The following EDRF1 variants were observed in gnomAD, a reference collection of about 807,000 sequenced individuals.
The protein encoded by EDRF1 is erythroid differentiation-related factor 1.
A neutral mutation model predicts 148.7 loss-of-function variants in EDRF1; 69 were observed. That is an observed-to-expected ratio of 0.46 (90% CI 0.38 to 0.57). The LOEUF (loss-of-function observed/expected upper bound fraction) is 0.57, where lower values mean the gene tolerates loss of function less well. Among genes scored for constraint, EDRF1 ranks in the 20% least tolerant of loss-of-function variants. The probability of loss-of-function intolerance (pLI) is 0.00; values close to 1 mark genes in which losing one functional copy is unlikely to be tolerated. For synonymous variants in EDRF1, 515 were observed against 532.8 expected (o/e 0.97, Z 0.46); for missense variants, 1,118 against 1,478.7 (o/e 0.76, Z 4.00).
At position 125,721,326 on chromosome 10, in the gene EDRF1, T is replaced by C; in HGVS notation, c.231T>C (p.Pro77=). 1 of 1,614,232 alleles carries C rather than the reference T, an allele frequency of 6.2e-7. No individual in the cohort carries two copies. The highest frequency in any genetic ancestry group is 8.5e-7 in the Non-Finnish European group (1 of 1,180,040). ...LEEKTDLKLP[P]ANWLRESAKL... ...AGAAAACAGACTTGAAACTCCCACCTGCCAACTGGTTACGAGAGAGTGCCA... is the reference window on the plus strand; with the variant it reads ...AGAAAACAGACTTGAAACTCCCACCCGCCAACTGGTTACGAGAGAGTGCCA... The change falls in exon 2 of 25, where the codon CCT becomes CCC. Residue 77 remains proline (P), a synonymous_variant. Coordinates refer to ENST00000356792, the MANE Select transcript of EDRF1 (RefSeq NM_001202438.2).
At chr10:125,757,119 TCTTG>T (rs1475208560) in intron 24 of EDRF1, 1 of 354,992 alleles carries the variant, frequency 2.8e-6, no homozygotes, top group Non-Finnish European at 5.4e-6. Flanking sequence ...GGCCCAAGGG[TCTTG>T]CTTTTTAAAT....
At position 125,735,763 on chromosome 10, in the gene EDRF1, G is replaced by A. The variant is rs17153478; in HGVS notation, c.1617G>A (p.Glu539=). 8.7e-6 allele frequency: 14 copies of A among 1,613,716 alleles called. No individual in the cohort carries two copies. The African/African-American group carries it at 1.7e-4, about 20-fold the overall frequency. The change falls in exon 13 of 25, where the codon GAG becomes GAA. Residue 539 remains glutamate (E), a synonymous_variant. Coordinates refer to ENST00000356792, the MANE Select transcript of EDRF1 (RefSeq NM_001202438.2). The part of the protein sequence containing the change: ...ENSDESYSEE[E]EEMPDSDENG... ...CTGATGAAAGTTATAGTGAAGAGGA[G>A]GAAGAGATGCCCGACAGTGATGAAA... is the stretch of plus-strand genomic sequence containing the variant.
intron 15 of EDRF1, 141 bp downstream of exon 15, chr10:125,738,586 A>G (rs1455521503): frequency 1.0e-6 from 1 of 991,122 alleles, no homozygotes; most frequent in Non-Finnish European, 1.5e-6. Flanking sequence ...TAGGGGTAGT[A>G]TTCTTTCATT....
In EDRF1 at chr10:125,738,532, T is replaced by G. The variant is rs1283501977; in HGVS notation, c.1981+87T>G. 23 of 1,512,514 alleles carry G rather than the reference T, an allele frequency of 1.5e-5. No homozygotes were observed. The Admixed American group carries it at 3.4e-4, about 23-fold the overall frequency. 93.7% of individuals were successfully genotyped at this position (1,512,514 alleles called of 1,614,324 possible). ...CAGCAGACTTATGTCAATTAAGGCATTAATTGAAAGGCATTGAGAAAAAGA... is the reference window on the plus strand; with the variant it reads ...CAGCAGACTTATGTCAATTAAGGCAGTAATTGAAAGGCATTGAGAAAAAGA... On this transcript the variant is annotated intron_variant, in intron 15 of 24. Transcript: ENST00000356792.
chr10:125,742,919 G>A lies in EDRF1; in HGVS notation c.2372-139G>A. Reference sequence around the variant, plus strand: ...ATCTTTATTATGAAACTTAAATATTGTTGTATTGATTGAATCTTGGTATAC... The same window carrying A: ...ATCTTTATTATGAAACTTAAATATTATTGTATTGATTGAATCTTGGTATAC... On this transcript the variant is annotated intron_variant, in intron 17 of 24. Transcript: ENST00000356792. 1.5e-5 allele frequency: 20 copies of A among 1,374,886 alleles called. No homozygotes were observed. In the South Asian group the frequency reaches 2.7e-4, roughly 19 times the overall value. 85.2% of individuals were successfully genotyped at this position (1,374,886 alleles called of 1,614,324 possible). A position where few individuals can be genotyped will look rare whatever the true frequency, so the allele number is the denominator to read the frequency against.
chr10:125,729,302 T>TG, intron 7 of EDRF1, 56 bp from the exon 8 acceptor site: 1 of 1,598,280 alleles, frequency 6.3e-7, no homozygotes, highest in Non-Finnish European at 8.6e-7. Flanking sequence ...TTATGGATCA[T>TG]GGGGGGAAAT....
In EDRF1 at chr10:125,734,146, A is replaced by G; in HGVS notation, c.1460A>G (p.Asn487Ser). Residue 487 changes from asparagine to serine, a missense_variant, in exon 12 of 25, where the codon AAT (asparagine) becomes AGT (serine). Around this residue, in one of 3 missense-constraint regions of EDRF1, gnomAD observed 954 missense variants for 1,241.4 expected, o/e 0.77. Coordinates refer to ENST00000356792, the MANE Select transcript of EDRF1 (RefSeq NM_001202438.2). Reference protein sequence around the residue: ...HYGTIRTLLLNCLKLLDKSRH... With the variant: ...HYGTIRTLLLSCLKLLDKSRH... ...GGAACTATTAGAACATTGCTTCTTA[A>G]TTGTCTGAAATTACTGGACAAAAGT... 6.2e-7 allele frequency: 1 copy of G among 1,613,026 alleles called. No homozygotes were observed. Among genetic ancestry groups the G allele is most frequent in the Non-Finnish European group, 8.5e-7 (1 of 1,179,120 alleles).
In EDRF1 at chr10:125,729,144, A is replaced by C. The variant is rs1848389989; in HGVS notation, c.894+40A>C. 3 of 1,528,086 alleles carry C rather than the reference A, an allele frequency of 2.0e-6. No individual in the cohort carries two copies. In the East Asian group the frequency reaches 7.2e-5, roughly 37 times the overall value. 94.7% of individuals were successfully genotyped at this position (1,528,086 alleles called of 1,614,324 possible). ...GTGTCCAAGGTGACAGCAAATCCCC[A>C]GTCTACTTTGTCATTTCAAAACTAG... On this transcript the variant is annotated intron_variant, in intron 7 of 24. Coordinates refer to ENST00000356792, the MANE Select transcript of EDRF1 (RefSeq NM_001202438.2).
At chr10:125,737,650 G>A (rs1319790053) in intron 13 of EDRF1, among the ~76,000 whole-genome samples, 2 of 152,134 alleles carry the variant, frequency 1.3e-5, no homozygotes, top group African/African-American at 4.8e-5. Flanking sequence ...ATTGTGTTTT[G>A]TCCAGTATCG....
chr10:125,741,276 A>T (rs1237529989), intron 17 of EDRF1, 75 bp downstream of exon 17: 1 of 1,273,820 alleles, frequency 7.9e-7, no homozygotes, highest in Non-Finnish European at 1.1e-6. Context: ...GAGTATTCAG[A>T]AAAGGGGTAG....
intron 22 of EDRF1, among the ~76,000 whole-genome samples, chr10:125,750,262 A>T (rs1333336685): frequency 1.3e-5 from 2 of 152,206 alleles, no homozygotes; most frequent in Non-Finnish European, 1.5e-5. Context: ...TGACCCTTGG[A>T]TTGTGGTTCC....
In EDRF1 at chr10:125,748,017, T is replaced by C; in HGVS notation, c.3123+5T>C. On this transcript the variant is annotated splice_donor_5th_base_variant and intron_variant, in intron 21 of 24. Transcript: ENST00000356792. Reference sequence around the variant, plus strand: ...CACAGCTGTCTGAGGAATCAGGTATTGTCAGTCCAAGTTAAGTACAGTGCC... The same window carrying C: ...CACAGCTGTCTGAGGAATCAGGTATCGTCAGTCCAAGTTAAGTACAGTGCC... 6.2e-7 allele frequency: 1 copy of C among 1,614,176 alleles called. No individual in the cohort carries two copies. The highest frequency in any genetic ancestry group is 1.6e-4 in the Middle Eastern group (1 of 6,062).
At chr10:125,730,246 A>T in intron 8 of EDRF1, 42 bp from the exon 9 acceptor site, 2 of 1,410,984 alleles carry the variant, frequency 1.4e-6, no homozygotes, top group South Asian at 2.3e-5. Context: ...ATTAAGGAAC[A>T]TCTTAATTAA....
At chr10:125,727,125 G>A (rs540988527) in intron 6 of EDRF1, among the ~76,000 whole-genome samples, 6 of 152,214 alleles carry the variant, frequency 3.9e-5, no homozygotes, top group East Asian at 1.9e-4. Flanking sequence ...TACAGCTGGC[G>A]AAACTCTCAG....
rs556098495 is a variant in EDRF1, at chr10:125,741,661, A to G, written c.2371+460A>G. On this transcript the variant is annotated intron_variant, in intron 17 of 24. Transcript: ENST00000356792. ...ACTAGAACTAAATATAAAGTAAGAT[A>G]TGAAGACAGTTGTGTCAACTTTTTA... The G allele has an allele frequency of 8.5e-5, 15 of 177,184 alleles. No homozygotes were observed. In the South Asian group the frequency reaches 1.6e-3, roughly 19 times the overall value. 11.0% of individuals were successfully genotyped at this position (177,184 alleles called of 1,614,324 possible).
chr10:125,743,616 A>T (rs1849149024), intron 18 of EDRF1, among the ~76,000 whole-genome samples: 1 of 152,220 alleles, frequency 6.6e-6, no homozygotes, highest in Non-Finnish European at 1.5e-5. Context: ...AGGAACACAA[A>T]GCCTCAAAAT....
chr10:125,750,766 A>AT (rs1363902973), intron 22 of EDRF1, among the ~76,000 whole-genome samples: 3 of 152,160 alleles, frequency 2.0e-5, no homozygotes, highest in African/African-American at 7.2e-5. Context: ...ACTAAAACTA[A>AT]TTTTTTGCTG....
rs189647995 is a variant in EDRF1, at chr10:125,726,902, G to A, written c.792+1064G>A. Among the ~76,000 whole-genome samples the A allele has an allele frequency of 1.6e-3, 241 of 152,318 alleles. 1 individual carries two copies. The highest frequency in any genetic ancestry group is 5.7e-3 in the African/African-American group (236 of 41,574). On this transcript the variant is annotated intron_variant, in intron 6 of 24. Coordinates refer to ENST00000356792, the MANE Select transcript of EDRF1 (RefSeq NM_001202438.2). Reference sequence around the variant, plus strand: ...TTACCCATGTCACCCATCTCCCAGTGTTGTTCTGTCTTTACCTTGTTTAGG... The same window carrying A: ...TTACCCATGTCACCCATCTCCCAGTATTGTTCTGTCTTTACCTTGTTTAGG...
intron 24 of EDRF1, among the ~76,000 whole-genome samples, chr10:125,755,158 A>G (rs969229130): frequency 6.6e-6 from 1 of 152,196 alleles, no homozygotes; most frequent in Non-Finnish European, 1.5e-5. Flanking sequence ...GCCTTTATCA[A>G]GTTGAGGATG....
Sources: gnomAD v4.1 joint callset for allele counts (sites outside exome capture counted in the v4.1 genomes callset) on GRCh38, gnomAD v4.1.1 for gene constraint, gnomAD v4.1.1 regional missense constraint, MANE v1.5 for transcripts, NCBI Gene and HGNC (gene_info 2026-07-23, HGNC 2026-07-21) for gene names.